The following ATRNL1 variants were observed in gnomAD, a reference collection of about 807,000 sequenced individuals.
ATRNL1 encodes attractin-like protein 1.
A neutral mutation model predicts 182.7 loss-of-function variants in ATRNL1; 95 were observed. That is an observed-to-expected ratio of 0.52 (90% CI 0.44 to 0.62). The LOEUF is 0.62. ATRNL1 is among the 20% of genes least tolerant of loss of function. The pLI, the probability that ATRNL1 is intolerant of heterozygous loss-of-function variation, is 0.00. For synonymous variants in ATRNL1, 576 were observed against 568.3 expected, an observed-to-expected ratio of 1.01 and a Z score of -0.19; for missense variants, 1,471 against 1,679.5, an observed-to-expected ratio of 0.88 and a Z score of 2.17.
At chr10:115,785,946 C>T (rs1745021614) in intron 27 of ATRNL1, among the ~76,000 whole-genome samples, 2 of 152,096 alleles carry the variant, frequency 1.3e-5, no homozygotes, top group Non-Finnish European at 2.9e-5. Flanking sequence ...ACTGACTTGC[C>T]TCCAGTTTCC....
chr10:115,299,209 A>C (rs1016776732), intron 15 of ATRNL1, among the ~76,000 whole-genome samples: 1 of 151,852 alleles, frequency 6.6e-6, no homozygotes, highest in Non-Finnish European at 1.5e-5. Flanking sequence ...TTATAATATA[A>C]AAAATTGTAA....
chr10:115,182,575 A>G (rs1847789812), intron 8 of ATRNL1, among the ~76,000 whole-genome samples: 1 of 151,544 alleles, frequency 6.6e-6, no homozygotes, highest in South Asian at 2.1e-4. Context: ...AACTTGCTGC[A>G]TAAAACAAAA....
intron 27 of ATRNL1, among the ~76,000 whole-genome samples, chr10:115,758,930 C>A (rs1207390032): frequency 3.3e-5 from 5 of 152,144 alleles, no homozygotes; most frequent in Non-Finnish European, 5.9e-5. Flanking sequence ...AGAGTAGATG[C>A]AACAGAATCA....
At chr10:115,270,766 A>G (rs1851825920) in intron 13 of ATRNL1, among the ~76,000 whole-genome samples, 1 of 152,106 alleles carries the variant, frequency 6.6e-6, no homozygotes, top group Admixed American at 6.6e-5. Context: ...AGTCTCATCC[A>G]GAACTGCCCC....
At chr10:115,311,568 T>A (rs1854029594) in intron 17 of ATRNL1, among the ~76,000 whole-genome samples, 3 of 149,812 alleles carry the variant, frequency 2.0e-5, no homozygotes, top group African/African-American at 7.3e-5. Context: ...CATGTGCTGA[T>A]GAGAAGAATG....
At chr10:115,574,842 C>G (rs970077404) in intron 26 of ATRNL1, among the ~76,000 whole-genome samples, 4 of 152,258 alleles carry the variant, frequency 2.6e-5, no homozygotes, top group Non-Finnish European at 5.9e-5. Flanking sequence ...AGCCTATTTT[C>G]TTTGTAAAAT....
At chr10:115,418,379 G>A (rs1014715524) in intron 20 of ATRNL1, among the ~76,000 whole-genome samples, 23 of 152,074 alleles carry the variant, frequency 1.5e-4, no homozygotes, top group African/African-American at 5.6e-4. Context: ...GAGTTCAAAG[G>A]TAGGCTATTT....
chr10:115,606,322 G>A (rs1318959499), intron 26 of ATRNL1, among the ~76,000 whole-genome samples: 4 of 151,962 alleles, frequency 2.6e-5, no homozygotes, highest in Non-Finnish European at 5.9e-5. Context: ...GTTAATGGGA[G>A]CTGCATGCTG....
At chr10:115,353,622 T>A (rs1856369487) in intron 19 of ATRNL1, among the ~76,000 whole-genome samples, 1 of 152,208 alleles carries the variant, frequency 6.6e-6, no homozygotes, top group East Asian at 1.9e-4. Context: ...TTCTTCTGAT[T>A]GTTTTGTACA....
chr10:115,122,167 AGTT>A (rs1313547380), intron 3 of ATRNL1, among the ~76,000 whole-genome samples: 1 of 151,882 alleles, frequency 6.6e-6, no homozygotes, highest in South Asian at 2.1e-4. Context: ...GTTTTTTAAT[AGTT>A]GTTTTTTTAT....
chr10:115,913,497 G>T (rs1445520782), intron 28 of ATRNL1, among the ~76,000 whole-genome samples: 11 of 152,226 alleles, frequency 7.2e-5, no homozygotes, highest in African/African-American at 2.7e-4. Flanking sequence ...ATAAAATGGG[G>T]ATAGCAGCTT....
At chr10:115,097,308 A>T (rs2085038179) in intron 1 of ATRNL1, among the ~76,000 whole-genome samples, 1 of 151,928 alleles carries the variant, frequency 6.6e-6, no homozygotes, top group Non-Finnish European at 1.5e-5. Flanking sequence ...AGATAGTGAG[A>T]CCTCATCTCT....
chr10:115,422,296 C>G (rs1845683555), intron 20 of ATRNL1, among the ~76,000 whole-genome samples: 1 of 152,056 alleles, frequency 6.6e-6, no homozygotes, highest in Admixed American at 6.6e-5. Context: ...CTATGCATCC[C>G]ACAAGGATCT....
intron 26 of ATRNL1, among the ~76,000 whole-genome samples, chr10:115,623,790 A>G (rs1485410097): frequency 6.6e-6 from 1 of 152,128 alleles, no homozygotes; most frequent in Non-Finnish European, 1.5e-5. Context: ...AGGTAGACGT[A>G]GTAAAATAGT....
At chr10:115,483,677 A>T (rs1303818828) in intron 24 of ATRNL1, among the ~76,000 whole-genome samples, 1 of 151,514 alleles carries the variant, frequency 6.6e-6, no homozygotes, top group African/African-American at 2.4e-5. Context: ...GTGTAATTAT[A>T]TGTATATGTT....
intron 19 of ATRNL1, among the ~76,000 whole-genome samples, chr10:115,364,661 A>G (rs1856930855): frequency 1.3e-5 from 2 of 151,184 alleles, no homozygotes; most frequent in Non-Finnish European, 2.9e-5. Flanking sequence ...TGGGTTTGTC[A>G]TAGATAGCTC....
chr10:115,314,163 A>G (rs1480019657), intron 17 of ATRNL1, among the ~76,000 whole-genome samples: 4 of 152,188 alleles, frequency 2.6e-5, no homozygotes, highest in African/African-American at 7.2e-5. Flanking sequence ...CTTTTATTTA[A>G]TGACTCAAAG....
intron 21 of ATRNL1, among the ~76,000 whole-genome samples, chr10:115,443,635 C>A (rs917441946): frequency 7.5e-4 from 114 of 151,764 alleles, no homozygotes; most frequent in African/African-American, 2.6e-3. Context: ...TTTTGAAATT[C>A]TTTTATAAAA....
At chr10:115,524,768 G>A (rs1049807994) in intron 25 of ATRNL1, among the ~76,000 whole-genome samples, 2 of 152,112 alleles carry the variant, frequency 1.3e-5, no homozygotes, top group Non-Finnish European at 2.9e-5. Flanking sequence ...TTGACATAGT[G>A]GGCACACTGT....
Sources: gnomAD v4.1 joint callset for allele counts (sites outside exome capture counted in the v4.1 genomes callset) on GRCh38, gnomAD v4.1.1 for gene constraint, MANE v1.5 for transcripts, NCBI Gene and HGNC (gene_info 2026-07-23, HGNC 2026-07-21) for gene names.